MYO9A: variants seen among roughly 807,000 people sequenced by gnomAD.
The protein encoded by MYO9A is myosin IXA.
In MYO9A, 103 loss-of-function variants were observed where a neutral mutation model predicts 293.3. The observed-to-expected ratio is 0.35, with a 90% confidence interval of 0.30 to 0.41. The LOEUF (loss-of-function observed/expected upper bound fraction) is 0.41, where lower values mean the gene tolerates loss of function less well. Ranked by LOEUF, MYO9A falls within the 10% of genes least tolerant of loss-of-function variation. The pLI is 1.00. For missense variants in MYO9A, 2,685 were observed against 3,033.0 expected (o/e 0.89, Z 2.69); for synonymous variants, 1,001 against 1,035.7 (o/e 0.97, Z 0.64).
chr15:71,946,634 C>G (rs1269765326), intron 15 of MYO9A, among the ~76,000 whole-genome samples: 1 of 152,206 alleles, frequency 6.6e-6, no homozygotes, highest in African/African-American at 2.4e-5. Context: ...TGTGGCTATA[C>G]AAACACATTA....
Position 71,962,876 on chromosome 15 carries a change from A to G in MYO9A, c.1987-2780T>C, listed in dbSNP as rs28642081. Among the ~76,000 whole-genome samples, 639 of 152,296 alleles carry G rather than the reference A, an allele frequency of 4.2e-3. 6 individuals carry two copies. The highest frequency in any genetic ancestry group is 0.015 in the African/African-American group (612 of 41,550). ...GTGACCAGTGACCTTCATTTTCAAA[A>G]TGAAATAATCTGTCTTCATATTTCT... On this transcript the variant is annotated intron_variant, in intron 13 of 41. Coordinates refer to ENST00000356056, the MANE Select transcript of MYO9A (RefSeq NM_006901.4).
intron 33 of MYO9A, among the ~76,000 whole-genome samples, chr15:71,860,508 C>T (rs2056072796): frequency 6.6e-6 from 1 of 152,174 alleles, no homozygotes; most frequent in Non-Finnish European, 1.5e-5. Context: ...CATTTTGTTA[C>T]ACTAGCTCTG....
chr15:71,857,690 T>TC (rs558013317), intron 34 of MYO9A, among the ~76,000 whole-genome samples: 80 of 152,292 alleles, frequency 5.3e-4, no homozygotes, highest in African/African-American at 1.9e-3. Context: ...TCGACAGTTT[T>TC]TTTTTTTGCA....
At chr15:72,109,101 A>C (rs1259503406) in intron 1 of MYO9A, among the ~76,000 whole-genome samples, 2 of 152,008 alleles carry the variant, frequency 1.3e-5, no homozygotes, top group Admixed American at 6.6e-5. Context: ...AATATATACA[A>C]TCACAGCCGG....
intron 1 of MYO9A, among the ~76,000 whole-genome samples, chr15:72,055,713 G>A (rs8028532): frequency 0.2 from 30,403 of 151,944 alleles, 3,282 homozygotes; most frequent in East Asian, 0.41. Context: ...ATGAAAAAAT[G>A]CTCAACAGCA....
intron 1 of MYO9A, among the ~76,000 whole-genome samples, chr15:72,080,307 C>CTTT (rs374292426): frequency 8.6e-5 from 11 of 127,354 alleles, no homozygotes; most frequent in African/African-American, 2.6e-4. Context: ...CCATGCTTCT[C>CTTT]TTTTTTTTTT....
chr15:71,968,510 T>G (rs1467841998), intron 12 of MYO9A, among the ~76,000 whole-genome samples: 2 of 152,170 alleles, frequency 1.3e-5, no homozygotes, highest in Non-Finnish European at 2.9e-5. Context: ...GAATAATATC[T>G]CGATTCTCAT....
At chr15:71,991,359 G>A in intron 10 of MYO9A, 122 bp from the exon 11 acceptor site, 1 of 656,962 alleles carries the variant, frequency 1.5e-6, no homozygotes, top group Non-Finnish European at 2.4e-6. Context: ...GATTGTGTTT[G>A]GCCAGTATTC....
intron 30 of MYO9A, 125 bp from the exon 31 acceptor site, chr15:71,878,356 G>T: frequency 1.6e-6 from 1 of 611,718 alleles, no homozygotes; most frequent in Non-Finnish European, 2.5e-6. Flanking sequence ...AATTTCTAAT[G>T]AGCATGCCCA....
At position 71,888,046 on chromosome 15, in the gene MYO9A, G is replaced by A; in HGVS notation, c.5213C>T (p.Thr1738Ile). ...LHKTMSQGEI[T>I]KLAVRQKASD... ...AGCCTTCTGTCTCACTGCCAACTTG[G>A]TAATCTCTCCTTGAGACATAGTCTT... Residue 1738 changes from threonine (T) to isoleucine (I), a missense_variant, in exon 27 of 42, where the codon ACC becomes ATC. Around this residue, in one of 10 missense-constraint regions of MYO9A, gnomAD observed 1,434 missense variants for 1,497.7 expected, o/e 0.96. Coordinates refer to ENST00000356056, the MANE Select transcript of MYO9A (RefSeq NM_006901.4). 1 of 1,610,266 alleles carries A rather than the reference G, an allele frequency of 6.2e-7. No individual in the cohort carries two copies. The highest frequency in any genetic ancestry group is 1.1e-5 in the South Asian group (1 of 90,690).
intron 14 of MYO9A, among the ~76,000 whole-genome samples, chr15:71,957,398 C>T (rs550295679): frequency 6.6e-6 from 1 of 152,132 alleles, no homozygotes; most frequent in Admixed American, 6.5e-5. Context: ...GTCCTTACCC[C>T]ACCATTTCAC....
chr15:72,058,687 T>C (rs944296738), intron 1 of MYO9A, among the ~76,000 whole-genome samples: 1 of 152,200 alleles, frequency 6.6e-6, no homozygotes, highest in Admixed American at 6.5e-5. Flanking sequence ...TTCAAAAGTA[T>C]ATGCTAACAG....
chr15:71,974,499 T>C (rs547595894), intron 12 of MYO9A, among the ~76,000 whole-genome samples: 2 of 152,194 alleles, frequency 1.3e-5, no homozygotes, highest in Non-Finnish European at 2.9e-5. Context: ...CTATAATTTT[T>C]TTCTTCCCCA....
At chr15:71,936,854 G>A (rs1238501931) in intron 16 of MYO9A, among the ~76,000 whole-genome samples, 1 of 151,750 alleles carries the variant, frequency 6.6e-6, no homozygotes, top group Non-Finnish European at 1.5e-5. Flanking sequence ...TTCCCAAATG[G>A]GAGAATCATA....
chr15:71,932,501 G>A (rs556819829), intron 18 of MYO9A, among the ~76,000 whole-genome samples: 2 of 151,750 alleles, frequency 1.3e-5, no homozygotes, highest in South Asian at 2.1e-4. Flanking sequence ...CTCAGGAAAC[G>A]CTGGAACTCA....
chr15:71,988,743 T>C (rs1426141309), intron 11 of MYO9A, among the ~76,000 whole-genome samples: 1 of 152,176 alleles, frequency 6.6e-6, no homozygotes, highest in Non-Finnish European at 1.5e-5. Context: ...TTCCCTTGAG[T>C]TCAGTTTGAT....
chr15:71,960,672 G>T (rs909515905), intron 13 of MYO9A, among the ~76,000 whole-genome samples: 1 of 152,170 alleles, frequency 6.6e-6, no homozygotes, highest in Admixed American at 6.5e-5. Context: ...CTTCTATAAG[G>T]TCTCATCCAA....
intron 41 of MYO9A, among the ~76,000 whole-genome samples, chr15:71,827,493 G>C (rs1192515845): frequency 1.3e-5 from 2 of 151,582 alleles, no homozygotes; most frequent in African/African-American, 4.9e-5. Flanking sequence ...GTAAGTACAG[G>C]ATAAAACATT....
rs533954226 is a variant in MYO9A at position 71,923,639 on chromosome 15, T to C, written c.2563-7147A>G. On this transcript the variant is annotated intron_variant, in intron 18 of 41. Coordinates refer to ENST00000356056, the MANE Select transcript of MYO9A (RefSeq NM_006901.4). ...ATTTCTTCTAGGTTTTCCAAATAGT[T>C]GCCTTATAGTTGTTAGTAATAGGCT... 5.3e-4 allele frequency among the ~76,000 whole-genome samples: 80 copies of C among 152,192 alleles called. 1 individual carries two copies. The highest frequency in any genetic ancestry group is 1.1e-3 in the Non-Finnish European group (74 of 68,022).
Sources: allele counts gnomAD v4.1 joint callset (sites outside exome capture counted in the v4.1 genomes callset), GRCh38; gene constraint gnomAD v4.1.1; regional missense constraint gnomAD v4.1.1; transcripts MANE v1.5; gene names NCBI Gene and HGNC (gene_info 2026-07-23, HGNC 2026-07-21).